The following FGGY variants were observed in gnomAD, a reference collection of about 807,000 sequenced individuals.
The protein encoded by FGGY is FGGY carbohydrate kinase domain containing, also known as FGGY carbohydrate kinase domain-containing protein.
FGGY carries 72 observed loss-of-function variants against 71.3 expected under a neutral mutation model. That is an observed-to-expected ratio of 1.01 (90% confidence interval 0.84 to 1.23). The LOEUF is 1.23. Among genes scored for constraint, FGGY ranks in the 50% most tolerant of loss-of-function variants. The probability of loss-of-function intolerance (pLI) is 0.00; values close to 1 mark genes in which losing one functional copy is unlikely to be tolerated. For synonymous variants in FGGY, 251 were observed against 250.3 expected, an observed-to-expected ratio of 1.00 and a Z score of -0.02; for missense variants, 668 against 682.3, an observed-to-expected ratio of 0.98 and a Z score of 0.23.
chr1:59,668,129 T>C (rs1422612232), intron 13 of FGGY, among the ~76,000 whole-genome samples: 1 of 152,122 alleles, frequency 6.6e-6, no homozygotes, highest in East Asian at 1.9e-4. Context: ...CTTTGTGATA[T>C]CAGCAGACAG....
At chr1:59,720,085 A>G (rs1404248656) in intron 14 of FGGY, among the ~76,000 whole-genome samples, 1 of 152,196 alleles carries the variant, frequency 6.6e-6, no homozygotes, top group African/African-American at 2.4e-5. Context: ...CTTTGTTAGC[A>G]TGCCAGCAAT....
intron 8 of FGGY, among the ~76,000 whole-genome samples, chr1:59,600,425 G>T (rs970585659): frequency 3.9e-5 from 6 of 152,138 alleles, no homozygotes; most frequent in Admixed American, 3.3e-4. Context: ...CTGAGTGTGG[G>T]ATAAAAATTG....
chr1:59,546,513 TGATGATGATGATGATGATG>T (rs1466611797), intron 7 of FGGY, among the ~76,000 whole-genome samples: 5 of 147,194 alleles, frequency 3.4e-5, no homozygotes, highest in Non-Finnish European at 7.5e-5. Context: ...ATGATGATGA[TGATGATGATGATGATGATG>T]ATGATTATTA....
At chr1:59,618,188 T>C (rs145567654) in intron 9 of FGGY, among the ~76,000 whole-genome samples, 6 of 152,190 alleles carry the variant, frequency 3.9e-5, no homozygotes, top group African/African-American at 1.4e-4. Flanking sequence ...TTGTAGGACA[T>C]AAAAATAGAT....
At chr1:59,466,922 A>T (rs879750577) in intron 6 of FGGY, among the ~76,000 whole-genome samples, 1 of 152,198 alleles carries the variant, frequency 6.6e-6, no homozygotes, top group Non-Finnish European at 1.5e-5. Context: ...AACTAGTTCA[A>T]CCATTGTGGA....
At chr1:59,735,219 CAT>C (rs1471036586) in intron 14 of FGGY, among the ~76,000 whole-genome samples, 4 of 152,160 alleles carry the variant, frequency 2.6e-5, no homozygotes, top group Non-Finnish European at 4.4e-5. Flanking sequence ...TGACTGCACA[CAT>C]GTCTTGGCCC....
chr1:59,460,192 G>A (rs114706328), intron 6 of FGGY, among the ~76,000 whole-genome samples: 153 of 152,212 alleles, frequency 1.0e-3, no homozygotes, highest in African/African-American at 3.4e-3. Flanking sequence ...GGACACTGCC[G>A]CCCAAATACT....
intron 7 of FGGY, among the ~76,000 whole-genome samples, chr1:59,538,499 T>C (rs1229045038): frequency 3.3e-5 from 5 of 150,552 alleles, no homozygotes; most frequent in African/African-American, 1.2e-4. Context: ...ACTGGGTATA[T>C]ACCCAAAGGA....
intron 7 of FGGY, among the ~76,000 whole-genome samples, chr1:59,543,729 T>C (rs1357460416): frequency 6.6e-6 from 1 of 152,160 alleles, no homozygotes; most frequent in Non-Finnish European, 1.5e-5. Context: ...GTTTAAATGT[T>C]CTAAAGAACC....
intron 6 of FGGY, among the ~76,000 whole-genome samples, chr1:59,489,390 T>C (rs1047468007): frequency 2.6e-5 from 4 of 152,158 alleles, no homozygotes; most frequent in African/African-American, 9.7e-5. Context: ...TACCATTCTC[T>C]GCCTCTAATA....
chr1:59,307,999 G>A (rs888679606), intron 1 of FGGY, among the ~76,000 whole-genome samples: 10 of 152,170 alleles, frequency 6.6e-5, no homozygotes, highest in Non-Finnish European at 1.3e-4. Context: ...GGGTCTCCAG[G>A]AAGGGAGAGG....
At chr1:59,533,792 A>G (rs980514166) in intron 7 of FGGY, among the ~76,000 whole-genome samples, 10 of 152,220 alleles carry the variant, frequency 6.6e-5, no homozygotes, top group African/African-American at 2.4e-4. Context: ...AAGGAAAACT[A>G]ACAAACAGAA....
chr1:59,329,678 A>G (rs1180844187), intron 2 of FGGY, among the ~76,000 whole-genome samples: 1 of 152,154 alleles, frequency 6.6e-6, no homozygotes, highest in Non-Finnish European at 1.5e-5. Flanking sequence ...TGTTACCCAG[A>G]TTCTTTCTTC....
At chr1:59,534,794 C>T (rs2095266035) in intron 7 of FGGY, among the ~76,000 whole-genome samples, 2 of 151,860 alleles carry the variant, frequency 1.3e-5, no homozygotes, top group African/African-American at 2.4e-5. Context: ...GAGATTTTGT[C>T]ACCACCAGGC....
chr1:59,462,199 A>C (rs1020483843), intron 6 of FGGY, among the ~76,000 whole-genome samples: 22 of 152,216 alleles, frequency 1.4e-4, no homozygotes, highest in Admixed American at 5.2e-4. Context: ...GAAAAACAAG[A>C]AATGGGGAAA....
intron 6 of FGGY, among the ~76,000 whole-genome samples, chr1:59,469,307 G>A (rs906795561): frequency 3.3e-5 from 5 of 152,218 alleles, no homozygotes; most frequent in African/African-American, 1.2e-4. Context: ...AGGCTGCAGT[G>A]CCCAAGGGTG....
chr1:59,729,234 C>G (rs892000998), intron 14 of FGGY, among the ~76,000 whole-genome samples: 4 of 151,578 alleles, frequency 2.6e-5, no homozygotes, highest in Non-Finnish European at 5.9e-5. Flanking sequence ...CTTTTAGATA[C>G]TTTTTTAGCA....
intron 11 of FGGY, among the ~76,000 whole-genome samples, chr1:59,650,300 G>C (rs1309624421): frequency 7.1e-6 from 1 of 141,138 alleles, no homozygotes; most frequent in Non-Finnish European, 1.5e-5. Context: ...CTTTTCTATT[G>C]ATTGGAATAG....
At chr1:59,684,227 ATGGCAAAGACTATTTCCT>A (rs1181178945) in intron 14 of FGGY, among the ~76,000 whole-genome samples, 1 of 152,192 alleles carries the variant, frequency 6.6e-6, no homozygotes, top group Non-Finnish European at 1.5e-5. Context: ...CTAAGGTGTA[ATGGCAAAGACTATTTCCT>A]TGGACTCAAA....
Sources: allele counts gnomAD v4.1 joint callset (sites outside exome capture counted in the v4.1 genomes callset), GRCh38; gene constraint gnomAD v4.1.1; transcripts MANE v1.5; gene names NCBI Gene and HGNC (gene_info 2026-07-23, HGNC 2026-07-21).